The following FAH variants were observed in gnomAD, a reference collection of about 807,000 sequenced individuals.
The protein encoded by FAH is fumarylacetoacetate hydrolase.
Under a neutral mutation model 55.8 loss-of-function variants are expected in FAH, and 47 were observed. That is an observed-to-expected ratio of 0.84 (90% confidence interval 0.67 to 1.07). The LOEUF (loss-of-function observed/expected upper bound fraction) is 1.07. FAH is among the 50% of genes least tolerant of loss of function. The probability of loss-of-function intolerance (pLI) is 0.00; values close to 1 mark genes in which losing one functional copy is unlikely to be tolerated. For synonymous variants in FAH, 199 were observed against 207.7 expected (o/e 0.96, Z 0.36); for missense variants, 495 against 545.9 (o/e 0.91, Z 0.93).
Position 80,172,142 on chromosome 15 carries a change from A to G in FAH, c.607-7A>G, listed in dbSNP as rs944210128. 1.2e-6 allele frequency: 2 copies of G among 1,609,118 alleles called. No homozygotes were observed. Among genetic ancestry groups the G allele is most frequent in the Non-Finnish European group, 8.5e-7 (1 of 1,175,556 alleles). On this transcript the variant is annotated splice_region_variant and splice_polypyrimidine_tract_variant and intron_variant, in intron 7 of 13. Transcript: ENST00000561421. ...TCCAGATTCTAATGAACTCTCCCCC[A>G]TGTAAGGCTTTTTTTGTAGGCCCTG...
chr15:80,152,854 G>GAGTGGAGTGGAGT, upstream of FAH: 1 of 577,444 alleles, frequency 1.7e-6, no homozygotes, highest in South Asian at 1.9e-5. Flanking sequence ...AGGGGGGAGG[G>GAGTGGAGTGGAGT]GCAGGGCTCG....
rs1325357461 is a variant in FAH at position 80,172,140 on chromosome 15, C to T, written c.607-9C>T. The T allele has an allele frequency of 1.2e-6, 2 of 1,605,910 alleles. No homozygotes were observed. The highest frequency in any genetic ancestry group is 2.2e-5 in the East Asian group (1 of 44,858). On this transcript the variant is annotated splice_polypyrimidine_tract_variant and intron_variant, in intron 7 of 13. Coordinates refer to ENST00000561421, the MANE Select transcript of FAH (RefSeq NM_000137.4). ...GCTCCAGATTCTAATGAACTCTCCC[C>T]CATGTAAGGCTTTTTTTGTAGGCCC...
At chr15:80,180,360 C>T (rs772714850) in intron 12 of FAH, 135 bp downstream of exon 12, 53 of 705,936 alleles carry the variant, frequency 7.5e-5, no homozygotes, top group Middle Eastern at 3.7e-4. Context: ...CTGTCTTCCT[C>T]GTAGCCTTTC....
At position 80,178,327 on chromosome 15, in the gene FAH, G is replaced by A. The variant is rs181459371; in HGVS notation, c.960+744G>A. Among the ~76,000 whole-genome samples, 843 of 152,234 alleles carry A rather than the reference G, an allele frequency of 5.5e-3. 4 individuals carry two copies. Among genetic ancestry groups the A allele is most frequent in the Middle Eastern group, 0.01 (3 of 294 alleles). ...AAATTTCCAGCACCTCAGCAGCCCC[G>A]TGGGGCCCTCCAGGTCACTTCATCA... On this transcript the variant is annotated intron_variant, in intron 11 of 13. Coordinates refer to ENST00000561421, the MANE Select transcript of FAH (RefSeq NM_000137.4).
At chr15:80,152,946 C>T (rs1273560578), upstream of FAH, 4 of 919,918 alleles carry the variant, frequency 4.3e-6, no homozygotes, top group African/African-American at 1.7e-5. Flanking sequence ...CCCGGACAGG[C>T]CGTGGGGGCG....
rs570350545 is a variant in FAH, at chr15:80,154,596, A to T, written c.81+1461A>T. ...GCAGGCATTGGACATTCCAACCGTG[A>T]TGGCTGCCTTGCCAGGCAAGACTAG... On this transcript the variant is annotated intron_variant, in intron 1 of 13. Transcript: ENST00000561421. Among the ~76,000 whole-genome samples the T allele has an allele frequency of 1.8e-3, 279 of 152,328 alleles. 1 individual carries two copies. The highest frequency in any genetic ancestry group is 6.5e-3 in the African/African-American group (269 of 41,576).
chr15:80,158,823 G>A (rs1023935681), intron 2 of FAH, among the ~76,000 whole-genome samples: 3 of 152,128 alleles, frequency 2.0e-5, no homozygotes, highest in African/African-American at 7.2e-5. Context: ...CTGAACTTCT[G>A]GAATGAGACA....
intron 11 of FAH, among the ~76,000 whole-genome samples, chr15:80,179,085 G>T (rs12591184): frequency 0.29 from 44,384 of 151,988 alleles, 6,747 homozygotes; most frequent in East Asian, 0.47. Flanking sequence ...CAGCCTAGGG[G>T]TACTTCCAAA....
intron 1 of FAH, chr15:80,155,891 T>C: frequency 6.3e-6 from 3 of 477,886 alleles, no homozygotes; most frequent in South Asian, 3.1e-5. Context: ...TTTAAGACTT[T>C]CGCTATTTCT....
chr15:80,172,957 C>A (rs1420317432), intron 8 of FAH, 57 bp from the exon 9 acceptor site: 4 of 1,613,056 alleles, frequency 2.5e-6, no homozygotes, highest in African/African-American at 1.3e-5. Context: ...AGGAGGGGGT[C>A]GTTGGGAGAT....
intron 13 of FAH, 129 bp downstream of exon 13, chr15:80,181,288 T>C: frequency 1.5e-6 from 1 of 682,154 alleles, no homozygotes; most frequent in South Asian, 1.5e-5. Context: ...TCCCAGAGTC[T>C]CTGCCTGCTT....
intron 13 of FAH, among the ~76,000 whole-genome samples, chr15:80,184,312 C>A (rs566945472): frequency 1.3e-5 from 2 of 152,226 alleles, no homozygotes; most frequent in African/African-American, 4.8e-5. Flanking sequence ...TCTTGCCCTG[C>A]GTCTCTCAGT....
At chr15:80,164,347 GC>G (rs2041174161) in intron 5 of FAH, among the ~76,000 whole-genome samples, 1 of 152,040 alleles carries the variant, frequency 6.6e-6, no homozygotes, top group Admixed American at 6.6e-5. Flanking sequence ...CTTTGACCTT[GC>G]CTCTGTCTAT....
chr15:80,174,261 C>T (rs1193320885), intron 9 of FAH, among the ~76,000 whole-genome samples: 5 of 152,166 alleles, frequency 3.3e-5, no homozygotes, highest in African/African-American at 4.8e-5. Flanking sequence ...TGCCTTCTTC[C>T]GGGTCGGTCA....
At chr15:80,164,149 G>A (rs1192073649) in intron 5 of FAH, among the ~76,000 whole-genome samples, 2 of 152,194 alleles carry the variant, frequency 1.3e-5, no homozygotes, top group African/African-American at 2.4e-5. Context: ...CCGGAGGCCA[G>A]AAGTCAAAAA....
intron 5 of FAH, 62 bp downstream of exon 5, chr15:80,162,398 A>G (rs757063475): frequency 6.8e-7 from 1 of 1,462,174 alleles, no homozygotes. Flanking sequence ...CCAGCAGCAT[A>G]TTTGTCTCAG....
At chr15:80,159,972 A>G in intron 3 of FAH, 95 bp downstream of exon 3, 1 of 1,509,290 alleles carries the variant, frequency 6.6e-7, no homozygotes, top group South Asian at 1.2e-5. Flanking sequence ...ACGGCTTGGC[A>G]GCCTTAGTGT....
intron 2 of FAH, among the ~76,000 whole-genome samples, chr15:80,158,863 A>G (rs1268788170): frequency 6.6e-6 from 1 of 152,198 alleles, no homozygotes; most frequent in Non-Finnish European, 1.5e-5. Flanking sequence ...AGCTAGAAGT[A>G]TCAGAGCTGG....
intron 9 of FAH, 66 bp from the exon 10 acceptor site, chr15:80,174,950 G>A: frequency 7.1e-7 from 1 of 1,399,820 alleles, no homozygotes; most frequent in East Asian, 2.3e-5. Flanking sequence ...TGGCTGGTAT[G>A]GGGGCCCAGC....
Sources: gnomAD v4.1 joint callset for allele counts (sites outside exome capture counted in the v4.1 genomes callset) on GRCh38, gnomAD v4.1.1 for gene constraint, MANE v1.5 for transcripts, NCBI Gene and HGNC (gene_info 2026-07-23, HGNC 2026-07-21) for gene names.